HTR4: variants seen among roughly 807,000 people sequenced by gnomAD.
HTR4 encodes 5-hydroxytryptamine receptor 4.
In HTR4, 16 loss-of-function variants were observed where a neutral mutation model predicts 36.8. The ratio of observed to expected loss-of-function variants is 0.43; its 90% CI spans 0.29 to 0.66. The LOEUF is 0.66. Among genes scored for constraint, HTR4 ranks in the 30% least tolerant of loss-of-function variants. The probability of loss-of-function intolerance (pLI) is 0.13; values close to 1 mark genes in which losing one functional copy is unlikely to be tolerated. For missense variants in HTR4, 438 were observed against 490.9 expected (o/e 0.89, Z 1.02); for synonymous variants, 189 against 185.1 (o/e 1.02, Z -0.17).
chr5:148,598,839 T>C (rs2127266347), intron 2 of HTR4, among the ~76,000 whole-genome samples: 1 of 152,294 alleles, frequency 6.6e-6, no homozygotes, highest in Admixed American at 6.5e-5. Flanking sequence ...GTGAGCTATC[T>C]GGAGTTGTAA....
chr5:148,482,231 C>T lies in HTR4; in HGVS notation c.*972G>A. The T allele has an allele frequency of 4.1e-6, 4 of 985,564 alleles. No homozygotes were observed. Among genetic ancestry groups the T allele is most frequent in the Non-Finnish European group, 4.8e-6 (4 of 830,040 alleles). 61.1% of individuals were successfully genotyped at this position (985,564 alleles called of 1,614,324 possible). A position where few individuals can be genotyped will look rare whatever the true frequency, so the allele number is the denominator to read the frequency against. On this transcript the variant is annotated 3_prime_UTR_variant, in exon 7 of 7. Transcript: ENST00000377888. The stretch of plus-strand genomic sequence containing the variant: ...GGAAAATGAGTTTCCCCAGTGTGAA[C>T]TTCCAACAGTTATCTCCTTTGGCAG...
intron 6 of HTR4, among the ~76,000 whole-genome samples, chr5:148,491,919 C>T (rs947327085): frequency 2.0e-5 from 3 of 152,138 alleles, no homozygotes; most frequent in African/African-American, 7.2e-5. Context: ...TGCTTCCCAA[C>T]CAGACCCAAT....
chr5:148,509,354 G>T, intron 6 of HTR4, 102 bp downstream of exon 6: 3 of 806,180 alleles, frequency 3.7e-6, no homozygotes, highest in Non-Finnish European at 5.9e-6. Context: ...CAAACTCTAT[G>T]CAGGTTTCAG....
chr5:148,481,540 T>C (rs758793667), downstream of HTR4: 10 of 1,526,152 alleles, frequency 6.6e-6, no homozygotes, highest in Middle Eastern at 3.3e-4. Context: ...AGAGGCTTTT[T>C]TTTTTCTTTT....
downstream of HTR4, among the ~76,000 whole-genome samples, chr5:148,471,902 G>A (rs1292804718): frequency 6.6e-6 from 1 of 152,182 alleles, no homozygotes; most frequent in Non-Finnish European, 1.5e-5. Flanking sequence ...AATTGTTTCA[G>A]TGTAGTTTAC....
chr5:148,520,422 C>T (rs1160245514), intron 5 of HTR4, among the ~76,000 whole-genome samples: 1 of 152,100 alleles, frequency 6.6e-6, no homozygotes. Flanking sequence ...AAGTGCTGAT[C>T]CCTCATCAGA....
intron 5 of HTR4, among the ~76,000 whole-genome samples, chr5:148,513,962 G>A (rs190267775): frequency 2.6e-4 from 39 of 152,192 alleles, no homozygotes; most frequent in Non-Finnish European, 5.9e-5. Context: ...AGCTGGCTAT[G>A]TATTCAGCAA....
At chr5:148,591,773 T>C (rs1761582896) in intron 2 of HTR4, among the ~76,000 whole-genome samples, 1 of 152,110 alleles carries the variant, frequency 6.6e-6, no homozygotes, top group Non-Finnish European at 1.5e-5. Flanking sequence ...CCAGTCACAA[T>C]AGCTATTACT....
In HTR4 at chr5:148,482,580, C is replaced by A. The variant is rs1346425390; in HGVS notation, c.*623G>T. ...GACAGACATTGGACATAAGGAAGAG[C>A]AAGTGGACGTCTGGGACTGACAAGG... On this transcript the variant is annotated 3_prime_UTR_variant, in exon 7 of 7. Transcript: ENST00000377888. The A allele has an allele frequency of 5.1e-6, 5 of 986,396 alleles. No individual in the cohort carries two copies. The highest frequency in any genetic ancestry group is 3.5e-5 in the African/African-American group (2 of 57,208). 61.1% of individuals were successfully genotyped at this position (986,396 alleles called of 1,614,324 possible).
At chr5:148,589,294 C>T (rs1374901898) in intron 2 of HTR4, among the ~76,000 whole-genome samples, 3 of 152,102 alleles carry the variant, frequency 2.0e-5, no homozygotes, top group African/African-American at 4.8e-5. Context: ...AAAATTCTGC[C>T]GAATTGCTCT....
At chr5:148,544,245 A>G (rs184360803) in intron 4 of HTR4, among the ~76,000 whole-genome samples, 79 of 147,048 alleles carry the variant, frequency 5.4e-4, no homozygotes, top group African/African-American at 1.7e-3. Context: ...TTCATTCTCA[A>G]TCTCTCTCTC....
chr5:148,640,243 CATCT>C (rs1753682200), intron 1 of HTR4, among the ~76,000 whole-genome samples: 1 of 152,202 alleles, frequency 6.6e-6, no homozygotes, highest in African/African-American at 2.4e-5. Context: ...GCTGTCCATC[CATCT>C]ATTTCATCTT....
At chr5:148,548,567 T>C (rs13171326) in intron 4 of HTR4, 101 bp downstream of exon 4, 302,271 of 984,526 alleles carry the variant, frequency 0.31, 49,920 homozygotes, top group Non-Finnish European at 0.35. Flanking sequence ...CTCTCTGAGA[T>C]TCATTTCTTC....
chr5:148,610,220 G>C (rs540805435), intron 2 of HTR4, among the ~76,000 whole-genome samples: 1 of 152,200 alleles, frequency 6.6e-6, no homozygotes, highest in Non-Finnish European at 1.5e-5. Flanking sequence ...AATAGGAACA[G>C]CTCCGGTCTA....
intron 2 of HTR4, among the ~76,000 whole-genome samples, chr5:148,604,100 T>C (rs940270446): frequency 2.0e-5 from 3 of 152,142 alleles, no homozygotes; most frequent in African/African-American, 7.2e-5. Context: ...GGGTTTTCTC[T>C]TCACGACCTT....
chr5:148,564,486 T>C (rs989040498), intron 2 of HTR4, among the ~76,000 whole-genome samples: 3 of 152,192 alleles, frequency 2.0e-5, no homozygotes, highest in African/African-American at 7.2e-5. Context: ...GTATAACAAA[T>C]ATATGTTAGA....
intron 2 of HTR4, among the ~76,000 whole-genome samples, chr5:148,632,493 T>C (rs956263625): frequency 6.6e-6 from 1 of 152,070 alleles, no homozygotes; most frequent in African/African-American, 2.4e-5. Context: ...AGAGAGCTCA[T>C]GGGGCAGGGA....
intron 5 of HTR4, chr5:148,520,947 T>G (rs1757983929): frequency 7.3e-7 from 1 of 1,367,796 alleles, no homozygotes; most frequent in South Asian, 1.1e-5. Flanking sequence ...GCCCAGGCCT[T>G]GGTTTAGACT....
At chr5:148,644,536 A>C (rs1753824853) in intron 1 of HTR4, among the ~76,000 whole-genome samples, 1 of 143,556 alleles carries the variant, frequency 7.0e-6, no homozygotes, top group African/African-American at 2.6e-5. Flanking sequence ...TTAATTTGGC[A>C]GGTGCCAGTA....
Sources: gnomAD v4.1 joint callset for allele counts (sites outside exome capture counted in the v4.1 genomes callset) on GRCh38, gnomAD v4.1.1 for gene constraint, MANE v1.5 for transcripts, NCBI Gene and HGNC (gene_info 2026-07-23, HGNC 2026-07-21) for gene names.